Variants in PET117 observed in about 807,000 individuals in gnomAD.
The protein encoded by PET117 is protein PET117 homolog, mitochondrial.
PET117 carries 10 observed loss-of-function variants against 9.2 expected under a neutral mutation model. The ratio of observed to expected loss-of-function variants is 1.09; its 90% CI spans 0.67 to 1.85. The LOEUF is 1.85. Ranked by LOEUF, PET117 falls within the 40% of genes most tolerant of loss-of-function variation. The pLI is 0.00. For missense variants in PET117, 96 were observed against 98.2 expected (o/e 0.98, Z 0.09); for synonymous variants, 43 against 37.1 (o/e 1.16, Z -0.57).
chr20:18,143,111 A>G lies in PET117; in HGVS notation c.*754A>G, dbSNP rs546142589. On this transcript the variant is annotated 3_prime_UTR_variant, in exon 2 of 2. Coordinates refer to ENST00000432901, the MANE Select transcript of PET117 (RefSeq NM_001164811.2). ...CTAATGAAACGTACTGTCAACCTCT[A>G]TCACATTGTTAAATTAACACTTTTG... 24 of 1,344,238 alleles carry G rather than the reference A, an allele frequency of 1.8e-5. No individual in the cohort carries two copies. The highest frequency in any genetic ancestry group is 1.1e-4 in the East Asian group (4 of 37,098). 83.3% of individuals were successfully genotyped at this position (1,344,238 alleles called of 1,614,324 possible).
In PET117 at chr20:18,138,062, C is replaced by G. The variant is rs1363537379; in HGVS notation, c.96+11C>G. The G allele has an allele frequency of 8.2e-6, 12 of 1,468,038 alleles. No individual in the cohort carries two copies. The highest frequency in any genetic ancestry group is 1.1e-5 in the Non-Finnish European group (12 of 1,115,296). The allele number at this position is 1,468,038 out of a possible 1,614,324, so 90.9% of individuals were successfully genotyped here. The stretch of plus-strand genomic sequence containing the variant: ...CAGTGGGACCAGCAGGTCGGTGTCA[C>G]GTGACCGTCTCTTCCGGGCCCGCGC... On this transcript the variant is annotated intron_variant, in intron 1 of 1. Coordinates refer to ENST00000432901, the MANE Select transcript of PET117 (RefSeq NM_001164811.2).
intron 1 of PET117, among the ~76,000 whole-genome samples, chr20:18,139,518 T>A (rs2037440942): frequency 6.6e-6 from 1 of 152,192 alleles, no homozygotes; most frequent in Admixed American, 6.5e-5. Context: ...GATGGGGACC[T>A]GGTTCAACAA....
chr20:18,138,076 C>T, intron 1 of PET117, 25 bp downstream of exon 1: 2 of 1,446,802 alleles, frequency 1.4e-6, no homozygotes, highest in Admixed American at 2.7e-5. Context: ...ACCGTCTCTT[C>T]CGGGCCCGCG....
Position 18,142,605 on chromosome 20 carries a change from G to T in PET117, c.*248G>T. 2 of 1,605,646 alleles carry T rather than the reference G, an allele frequency of 1.2e-6. No individual in the cohort carries two copies. The highest frequency in any genetic ancestry group is 2.2e-5 in the South Asian group (2 of 89,698). ...TGGTAGAAGCCCCATTAGGGTCACT[G>T]TCCAGTGCTTAGGGTTGTTACTGAG... On this transcript the variant is annotated 3_prime_UTR_variant, in exon 2 of 2. Transcript: ENST00000432901.
chr20:18,142,477 A>T lies in PET117; in HGVS notation c.*120A>T. 7 of 1,457,766 alleles carry T rather than the reference A, an allele frequency of 4.8e-6. No homozygotes were observed. Among genetic ancestry groups the T allele is most frequent in the Non-Finnish European group, 6.3e-6 (7 of 1,110,410 alleles). The allele number at this position is 1,457,766 out of a possible 1,614,324, so 90.3% of individuals were successfully genotyped here. The stretch of plus-strand genomic sequence containing the variant: ...TCACTGTCCTTTTAAACTTGATCAA[A>T]TAAAGGACAGTGGGTCATATAAGTT... On this transcript the variant is annotated 3_prime_UTR_variant, in exon 2 of 2. Transcript: ENST00000432901.
intron 1 of PET117, chr20:18,138,432 TA>T: frequency 4.0e-6 from 4 of 1,002,870 alleles, no homozygotes; most frequent in Non-Finnish European, 4.8e-6. Flanking sequence ...CTTGGGCCGC[TA>T]GAAAATAGAA....
Position 18,142,975 on chromosome 20 carries a change from T to G in PET117, c.*618T>G. 5 of 1,588,284 alleles carry G rather than the reference T, an allele frequency of 3.1e-6. No homozygotes were observed. The highest frequency in any genetic ancestry group is 4.3e-6 in the Non-Finnish European group (5 of 1,162,288). On this transcript the variant is annotated 3_prime_UTR_variant, in exon 2 of 2. Transcript: ENST00000432901. ...CAATTCCTGTGTGAAGGTTTGTTTT[T>G]CCAACCTGTGAAAGAAACGTGAATG... is the stretch of plus-strand genomic sequence containing the variant.
chr20:18,139,633 C>CGT (rs71194228), intron 1 of PET117, among the ~76,000 whole-genome samples: 2,188 of 141,654 alleles, frequency 0.015, 26 homozygotes, highest in Middle Eastern at 0.024. Context: ...ACCAAAATAA[C>CGT]GTGTGTGTGT....
At chr20:18,139,054 C>T (rs965389317) in intron 1 of PET117, among the ~76,000 whole-genome samples, 1 of 152,182 alleles carries the variant, frequency 6.6e-6, no homozygotes, top group South Asian at 2.1e-4. Context: ...GACCTTTGGA[C>T]TGTGCTATGT....
In PET117 at chr20:18,139,291, A is replaced by G. The variant is rs2037429927; in HGVS notation, c.96+1240A>G. ...AAGACTTCCGCCTCTTACAAGGAAA[A>G]GTAAAAGATGTTGATCCTGGGAAAA... is the stretch of plus-strand genomic sequence containing the variant. On this transcript the variant is annotated intron_variant, in intron 1 of 1. Coordinates refer to ENST00000432901, the MANE Select transcript of PET117 (RefSeq NM_001164811.2). Among the ~76,000 whole-genome samples the G allele has an allele frequency of 3.3e-5, 5 of 152,360 alleles. No individual in the cohort carries two copies. The South Asian group carries it at 6.2e-4, about 19-fold the overall frequency.
At chr20:18,140,724 A>G (rs1255411702) in intron 1 of PET117, among the ~76,000 whole-genome samples, 2 of 148,682 alleles carry the variant, frequency 1.3e-5, no homozygotes, top group African/African-American at 4.9e-5. Context: ...AGGCACAAGA[A>G]TCGCTTTAAC....
Position 18,142,688 on chromosome 20 carries a change from C to G in PET117, c.*331C>G. The G allele has an allele frequency of 6.2e-7, 1 of 1,614,136 alleles. No homozygotes were observed. Among genetic ancestry groups the G allele is most frequent in the Non-Finnish European group, 8.5e-7 (1 of 1,180,036 alleles). Reference sequence around the variant, plus strand: ...GGATAGTAGCATCCACCTGAGTAGTCTGATCAGTCGGCATGATGACGAAGC... The same window carrying G: ...GGATAGTAGCATCCACCTGAGTAGTGTGATCAGTCGGCATGATGACGAAGC... On this transcript the variant is annotated 3_prime_UTR_variant, in exon 2 of 2. Transcript: ENST00000432901.
In PET117 at chr20:18,142,440, CT is replaced by C. The variant is rs78016265; in HGVS notation, c.*92del. The C allele has an allele frequency of 0.55, 804,891 of 1,450,290 alleles. 223,798 individuals carry two copies. The highest frequency in any genetic ancestry group is 0.71 in the East Asian group (28,554 of 40,012). The allele number at this position is 1,450,290 out of a possible 1,614,324, so 89.8% of individuals were successfully genotyped here. ...GAGAGTAGCTTAGTAGTATCTTCAT[CT>C]TTTTTTTTGGTCACTGTCCTTTTAA... On this transcript the variant is annotated 3_prime_UTR_variant, in exon 2 of 2. Coordinates refer to ENST00000432901, the MANE Select transcript of PET117 (RefSeq NM_001164811.2).
At chr20:18,139,790 A>G (rs186173634) in intron 1 of PET117, among the ~76,000 whole-genome samples, 1 of 152,232 alleles carries the variant, frequency 6.6e-6, no homozygotes, top group African/African-American at 2.4e-5. Flanking sequence ...AGGTTCAAGG[A>G]AGCAAGAAAT....
intron 1 of PET117, chr20:18,138,398 G>A (rs764338948): frequency 8.6e-5 from 89 of 1,039,354 alleles, no homozygotes; most frequent in Admixed American, 2.3e-4. Flanking sequence ...CCGGCCCGCA[G>A]GGTGCGGACC....
chr20:18,142,894 C>A lies in PET117; in HGVS notation c.*537C>A. 1 of 1,614,098 alleles carries A rather than the reference C, an allele frequency of 6.2e-7. No homozygotes were observed. The highest frequency in any genetic ancestry group is 8.5e-7 in the Non-Finnish European group (1 of 1,179,974). On this transcript the variant is annotated 3_prime_UTR_variant, in exon 2 of 2. Coordinates refer to ENST00000432901, the MANE Select transcript of PET117 (RefSeq NM_001164811.2). The stretch of plus-strand genomic sequence containing the variant: ...AGGAGCAGCTGTCCTACTTCTGTGA[C>A]AAGTGCCAAAAATGGATACCAGCCA...
At chr20:18,141,023 A>ATTTT (rs67633205) in intron 1 of PET117, among the ~76,000 whole-genome samples, 11,543 of 47,804 alleles carry the variant, frequency 0.24, 1,179 homozygotes, top group Non-Finnish European at 0.28. Flanking sequence ...ACTCCCTGCA[A>ATTTT]TTTTTTTTTT....
chr20:18,142,691 A>G lies in PET117; in HGVS notation c.*334A>G. On this transcript the variant is annotated 3_prime_UTR_variant, in exon 2 of 2. Transcript: ENST00000432901. ...TAGTAGCATCCACCTGAGTAGTCTG[A>G]TCAGTCGGCATGATGACGAAGCCAC... The G allele has an allele frequency of 1.2e-6, 2 of 1,614,186 alleles. No homozygotes were observed. The highest frequency in any genetic ancestry group is 1.1e-5 in the South Asian group (1 of 91,086).
At chr20:18,141,148 G>GT (rs748910455) in intron 1 of PET117, among the ~76,000 whole-genome samples, 2 of 150,494 alleles carry the variant, frequency 1.3e-5, no homozygotes, top group Non-Finnish European at 2.9e-5. Flanking sequence ...GATTACAGGA[G>GT]TGCTGGGATT....
Sources: allele counts gnomAD v4.1 joint callset (sites outside exome capture counted in the v4.1 genomes callset), GRCh38; gene constraint gnomAD v4.1.1; transcripts MANE v1.5; gene names NCBI Gene and HGNC (gene_info 2026-07-23, HGNC 2026-07-21).